The following AKR1B1 variants were observed in gnomAD, a reference collection of about 807,000 sequenced individuals.
AKR1B1 encodes aldo-keto reductase family 1 member B.
In AKR1B1, 22 loss-of-function variants were observed where a neutral mutation model predicts 40.4. The observed-to-expected ratio is 0.54, with a 90% confidence interval of 0.39 to 0.78. The LOEUF is 0.78. AKR1B1 is among the 30% of genes least tolerant of loss of function. AKR1B1 has a pLI of 0.00. For missense variants in AKR1B1, 357 were observed against 396.7 expected (o/e 0.90, Z 0.85); for synonymous variants, 157 against 149.9 (o/e 1.05, Z -0.35).
chr7:134,459,143 G>C (rs1023536712), upstream of AKR1B1: 10 of 1,494,540 alleles, frequency 6.7e-6, no homozygotes, highest in South Asian at 1.1e-4. Flanking sequence ...CCGTGAGGTC[G>C]GCAGAAAGGG....
At position 134,448,469 on chromosome 7, in the gene AKR1B1, G is replaced by C; in HGVS notation, c.577C>G (p.Gln193Glu). The change falls in exon 6 of 10, where the codon CAG becomes GAG. Residue 193 changes from glutamine (Q) to glutamate (E), a missense_variant. Physicochemically the swap from Gln to Glu is conservative, Grantham distance 29. Transcript: ENST00000285930. ...TGGCAGTACTGGATTAACTTCTCCT[G>C]AGTGAGATATGGGTGGCACTCAATC... is the stretch of plus-strand genomic sequence containing the variant. ...NQIECHPYLTQEKLIQYCQSK... is the reference protein window; with the variant it reads ...NQIECHPYLTEEKLIQYCQSK... 6.2e-7 allele frequency: 1 copy of C among 1,614,052 alleles called. No homozygotes were observed. The highest frequency in any genetic ancestry group is 8.5e-7 in the Non-Finnish European group (1 of 1,179,948).
At chr7:134,445,162 C>T in intron 9 of AKR1B1, 76 bp downstream of exon 9, 1 of 1,317,584 alleles carries the variant, frequency 7.6e-7, no homozygotes, top group Non-Finnish European at 1.1e-6. Flanking sequence ...GCGCTGAGGC[C>T]TGCAGGGATC....
Position 134,447,303 on chromosome 7 carries a change from A to G in AKR1B1, c.820T>C (p.Phe274Leu). 1 of 1,613,956 alleles carries G rather than the reference A, an allele frequency of 6.2e-7. No individual in the cohort carries two copies. The highest frequency in any genetic ancestry group is 1.1e-5 in the South Asian group (1 of 91,078). The part of the protein sequence containing the change: ...SVTPERIAEN[F>L]KVFDFELSSQ... Reference sequence around the variant, plus strand: ...CTGACCAGCCAAGATCTTACCTTAAAGTTCTCAGCAATGCGTTCTGGTGTC... The same window carrying G: ...CTGACCAGCCAAGATCTTACCTTAAGGTTCTCAGCAATGCGTTCTGGTGTC... Residue 274 changes from phenylalanine to leucine, a missense_variant, in exon 8 of 10, where the codon TTT becomes CTT. Transcript: ENST00000285930.
chr7:134,448,569 C>T (rs1806181010), intron 5 of AKR1B1, 76 bp from the exon 6 acceptor site: 1 of 1,109,828 alleles, frequency 9.0e-7, no homozygotes. Context: ...GCTTCCTATG[C>T]TAAAGTCCCT....
intron 1 of AKR1B1, among the ~76,000 whole-genome samples, chr7:134,458,684 G>T (rs1031536950): frequency 6.6e-6 from 1 of 152,162 alleles, no homozygotes; most frequent in Non-Finnish European, 1.5e-5. Context: ...GCGCCCGCTA[G>T]GACCCAAAAT....
At position 134,447,960 on chromosome 7, in the gene AKR1B1, A is replaced by C; in HGVS notation, c.741+20T>G. On this transcript the variant is annotated intron_variant, in intron 7 of 9. Coordinates refer to ENST00000285930, the MANE Select transcript of AKR1B1 (RefSeq NM_001628.4). ...ATGCAGGCAGTTGTGGACGGTCAGC[A>C]ACACCTGAAGTGGCTGTACCTGGGC... The C allele has an allele frequency of 6.2e-7, 1 of 1,605,342 alleles. No homozygotes were observed. Among genetic ancestry groups the C allele is most frequent in the Non-Finnish European group, 8.5e-7 (1 of 1,175,346 alleles).
At chr7:134,457,950 T>C (rs1806521650) in intron 1 of AKR1B1, among the ~76,000 whole-genome samples, 1 of 152,108 alleles carries the variant, frequency 6.6e-6, no homozygotes, top group African/African-American at 2.4e-5. Context: ...CAATGAACCA[T>C]GATTGTGCCA....
At chr7:134,447,450 A>T in intron 7 of AKR1B1, 69 bp from the exon 8 acceptor site, 3 of 1,323,644 alleles carry the variant, frequency 2.3e-6, no homozygotes, top group Middle Eastern at 1.8e-4. Context: ...TCAGTCTCTC[A>T]CACACACAAC....
At chr7:134,442,921 G>A in intron 9 of AKR1B1, 151 bp from the exon 10 acceptor site, 2 of 771,610 alleles carry the variant, frequency 2.6e-6, no homozygotes, top group Admixed American at 2.1e-5. Context: ...TGATGGTTCT[G>A]CAGCTGGGGG....
intron 1 of AKR1B1, among the ~76,000 whole-genome samples, chr7:134,455,351 C>A (rs2117464877): frequency 6.6e-6 from 1 of 152,186 alleles, no homozygotes; most frequent in East Asian, 1.9e-4. Flanking sequence ...TCACAAGGCT[C>A]CTAGGTGGGA....
chr7:134,458,966 G>T, intron 1 of AKR1B1, 31 bp downstream of exon 1: 1 of 1,591,694 alleles, frequency 6.3e-7, no homozygotes, highest in Non-Finnish European at 8.5e-7. Flanking sequence ...TGTGAGGCGA[G>T]CCCCGGGCCC....
rs1806295970 is a variant in AKR1B1 at position 134,451,752 on chromosome 7, G to A, written c.68C>T (p.Ser23Phe). 1 of 1,614,040 alleles carries A rather than the reference G, an allele frequency of 6.2e-7. No homozygotes were observed. Among genetic ancestry groups the A allele is most frequent in the Non-Finnish European group, 8.5e-7 (1 of 1,179,980 alleles). The part of the protein sequence containing the change: ...MPILGLGTWK[S>F]PPGQVTEAVK... ...GGCCTCAGTCACCTGCCCTGGAGGG[G>A]ACTGAAAGGAGAAAGAACGTGAGCC... The change falls in exon 2 of 10, where the codon TCC becomes TTC. Residue 23 changes from serine to phenylalanine, a missense_variant and splice_region_variant. By Grantham distance (155) the Ser-to-Phe change is radical. Coordinates refer to ENST00000285930, the MANE Select transcript of AKR1B1 (RefSeq NM_001628.4).
At chr7:134,443,342 G>C (rs1341289836) in intron 9 of AKR1B1, among the ~76,000 whole-genome samples, 1 of 152,090 alleles carries the variant, frequency 6.6e-6, no homozygotes, top group African/African-American at 2.4e-5. Flanking sequence ...GAGCCCAGGA[G>C]GTCAAGGCTG....
intron 9 of AKR1B1, among the ~76,000 whole-genome samples, chr7:134,443,272 G>T (rs767285046): frequency 6.6e-6 from 1 of 152,158 alleles, no homozygotes; most frequent in Middle Eastern, 3.2e-3. Flanking sequence ...AATTAACCAG[G>T]CATGGTGGTG....
chr7:134,444,757 T>C (rs1585707064), intron 9 of AKR1B1: 1 of 203,750 alleles, frequency 4.9e-6, no homozygotes, highest in African/African-American at 2.3e-5. Flanking sequence ...GGAACTGAGG[T>C]GCCTGCTGCT....
Position 134,450,822 on chromosome 7 carries a change from C to T in AKR1B1, c.315G>A (p.Leu105=). The change falls in exon 3 of 10, where the codon CTG becomes CTA. Residue 105 remains leucine (L), a synonymous_variant. Transcript: ENST00000285930. ...TCGGCCAGTGAATAAGGTAGAGGTC[C>T]AGGTAGTCCAGCTTCAGGTCGCTGA... ...KTLSDLKLDY[L]DLYLIHWPTG... 6.2e-7 allele frequency: 1 copy of T among 1,614,162 alleles called. No homozygotes were observed. The highest frequency in any genetic ancestry group is 1.1e-5 in the South Asian group (1 of 91,076).
chr7:134,457,524 T>C (rs1327445770), intron 1 of AKR1B1, among the ~76,000 whole-genome samples: 1 of 152,142 alleles, frequency 6.6e-6, no homozygotes, highest in African/African-American at 2.4e-5. Context: ...CAAGAAACAC[T>C]CTCCCTGATG....
At chr7:134,448,207 G>GA (rs1398744476) in intron 6 of AKR1B1, 146 bp from the exon 7 acceptor site, 4 of 913,486 alleles carry the variant, frequency 4.4e-6, no homozygotes, top group Non-Finnish European at 7.0e-6. Flanking sequence ...CAACCCTTTG[G>GA]AAAAAGAGTA....
intron 9 of AKR1B1, 108 bp downstream of exon 9, chr7:134,445,130 C>T: frequency 1.0e-6 from 1 of 981,352 alleles, no homozygotes; most frequent in Non-Finnish European, 1.6e-6. Flanking sequence ...AAAGCAAGAA[C>T]AGCTGTGACG....
Sources: gnomAD v4.1 joint callset for allele counts (sites outside exome capture counted in the v4.1 genomes callset) on GRCh38, gnomAD v4.1.1 for gene constraint, MANE v1.5 for transcripts, NCBI Gene and HGNC (gene_info 2026-07-23, HGNC 2026-07-21) for gene names.